SYNRG: variants seen among roughly 807,000 people sequenced by gnomAD.
The protein encoded by SYNRG is synergin gamma, also known as AP1 gamma subunit binding protein 1.
In SYNRG, 37 loss-of-function variants were observed where a neutral mutation model predicts 130.9. The observed-to-expected ratio is 0.28, with a 90% CI of 0.22 to 0.37. The LOEUF is 0.37. SYNRG is among the 10% of genes least tolerant of loss of function. SYNRG has a pLI of 1.00. For synonymous variants in SYNRG, 539 were observed against 568.1 expected (o/e 0.95, Z 0.73); for missense variants, 1,338 against 1,588.9 (o/e 0.84, Z 2.68).
At chr17:37,559,797 TAAATC>T (rs1177431747) in intron 13 of SYNRG, among the ~76,000 whole-genome samples, 1 of 152,224 alleles carries the variant, frequency 6.6e-6, no homozygotes, top group Non-Finnish European at 1.5e-5. Flanking sequence ...AGCAGTGTAA[TAAATC>T]AGAGTAACCA....
chr17:37,547,763 G>A (rs892524034), intron 14 of SYNRG, among the ~76,000 whole-genome samples: 1 of 151,896 alleles, frequency 6.6e-6, no homozygotes, highest in Non-Finnish European at 1.5e-5. Context: ...GTGCCTGGCC[G>A]TCATTTGCTA....
Position 37,553,224 on chromosome 17 carries a change from A to G in SYNRG, c.2499T>C (p.Ser833=). 6.2e-7 allele frequency: 1 copy of G among 1,614,122 alleles called. No homozygotes were observed. Among genetic ancestry groups the G allele is most frequent in the Non-Finnish European group, 8.5e-7 (1 of 1,180,006 alleles). Residue 833 remains serine (S), a synonymous_variant, in exon 14 of 22, where the codon TCT becomes TCC. Transcript: ENST00000612223. ...CAGCCAATTTCATGTCAAACTGAAC[A>G]GAGAGTGCATCTTCAGAGTCCTCCT... The part of the protein sequence containing the change: ...VGKEDSEDAL[S]VQFDMKLADV...
intron 8 of SYNRG, among the ~76,000 whole-genome samples, chr17:37,574,239 A>G (rs942480560): frequency 6.6e-6 from 1 of 152,216 alleles, no homozygotes; most frequent in African/African-American, 2.4e-5. Context: ...ATCCCACACC[A>G]AATAAAAAAA....
intron 11 of SYNRG, chr17:37,568,084 A>T (rs1598401274): frequency 6.6e-6 from 1 of 152,284 alleles, no homozygotes; most frequent in East Asian, 1.9e-4. Flanking sequence ...ATGGTGGTGG[A>T]CACCTGTAAT....
At chr17:37,602,655 G>A (rs1408356585) in intron 1 of SYNRG, among the ~76,000 whole-genome samples, 1 of 152,180 alleles carries the variant, frequency 6.6e-6, no homozygotes, top group Non-Finnish European at 1.5e-5. Flanking sequence ...AGACCCTAGG[G>A]AGAAAAAATT....
intron 5 of SYNRG, 101 bp downstream of exon 5, chr17:37,585,224 A>C: frequency 1.1e-6 from 1 of 884,504 alleles, no homozygotes; most frequent in East Asian, 2.5e-5. Flanking sequence ...TCACAGCCTC[A>C]GCTTGGGCTG....
At chr17:37,560,504 C>T (rs888434323) in intron 13 of SYNRG, among the ~76,000 whole-genome samples, 9 of 151,402 alleles carry the variant, frequency 5.9e-5, no homozygotes, top group Admixed American at 2.6e-4. Flanking sequence ...GCCTGGCTAA[C>T]TTTTTTGTAT....
At chr17:37,543,190 T>C (rs143284938) in intron 14 of SYNRG, among the ~76,000 whole-genome samples, 2 of 152,272 alleles carry the variant, frequency 1.3e-5, no homozygotes, top group African/African-American at 4.8e-5. Context: ...TTGGACGTCA[T>C]ATTGCTGTGA....
intron 2 of SYNRG, among the ~76,000 whole-genome samples, chr17:37,599,988 C>A (rs966363876): frequency 6.6e-6 from 1 of 152,094 alleles, no homozygotes; most frequent in Non-Finnish European, 1.5e-5. Context: ...ACAGACATGG[C>A]ACTAACAATC....
In SYNRG at chr17:37,542,476, C is replaced by A; in HGVS notation, c.2698G>T (p.Asp900Tyr). The change falls in exon 15 of 22, where the codon GAT becomes TAT. Residue 900 changes from aspartate to tyrosine, a missense_variant. This residue lies in a region of SYNRG where 1,146 missense variants were observed against 1,342.3 expected (regional missense o/e 0.85). Coordinates refer to ENST00000612223, the MANE Select transcript of SYNRG (RefSeq NM_007247.6). ...AGTTTTCTGCCCTGAGTTGCATCATCCCTGTCTGACCAGTCATAGCTTGTA... is the reference window on the plus strand; with the variant it reads ...AGTTTTCTGCCCTGAGTTGCATCATACCTGTCTGACCAGTCATAGCTTGTA... Reference protein sequence around the residue: ...TLTSYDWSDRDDATQGRKLSP... With the variant: ...TLTSYDWSDRYDATQGRKLSP... 1 of 1,613,986 alleles carries A rather than the reference C, an allele frequency of 6.2e-7. No homozygotes were observed.
rs895932816 is a variant in SYNRG, at chr17:37,571,956, C to T, written c.933G>A (p.Met311Ile). 3 of 1,612,410 alleles carry T rather than the reference C, an allele frequency of 1.9e-6. No homozygotes were observed. Among genetic ancestry groups the T allele is most frequent in the African/African-American group, 1.3e-5 (1 of 74,940 alleles). ...DAYKKILETT[M>I]TPTGIDTAKL... ...TGGCAGTATCTATTCCAGTTGGAGT[C>T]ATTGTGGTTTCTAAGATTTTCTTAT... is the stretch of plus-strand genomic sequence containing the variant. The change falls in exon 9 of 22, where the codon ATG becomes ATA. Residue 311 changes from methionine (M) to isoleucine (I), a missense_variant. Physicochemically the swap from Met to Ile is conservative, Grantham distance 10. Around this residue, in one of 3 missense-constraint regions of SYNRG, gnomAD observed 1,146 missense variants for 1,342.3 expected, o/e 0.85. Transcript: ENST00000612223.
At chr17:37,582,814 T>C (rs142573708) in intron 6 of SYNRG, among the ~76,000 whole-genome samples, 235 of 152,102 alleles carry the variant, frequency 1.5e-3, no homozygotes, top group African/African-American at 5.5e-3. Flanking sequence ...TGAACTGTGA[T>C]CATGTCACCG....
At chr17:37,541,234 T>C in intron 15 of SYNRG, 2 of 985,370 alleles carry the variant, frequency 2.0e-6, no homozygotes, top group South Asian at 9.4e-5. Flanking sequence ...AGTCTCTCAA[T>C]CCAGTTGAAA....
intron 5 of SYNRG, 34 bp downstream of exon 5, chr17:37,585,291 A>G: frequency 6.5e-7 from 1 of 1,540,808 alleles, no homozygotes; most frequent in Non-Finnish European, 8.9e-7. Context: ...CAGGGTGTGT[A>G]TGTTCTGGGT....
chr17:37,529,734 T>C (rs1390946510), intron 19 of SYNRG: 2 of 1,528,536 alleles, frequency 1.3e-6, no homozygotes, highest in Non-Finnish European at 1.8e-6. Flanking sequence ...CCACTTATCC[T>C]TTCCCCCAAA....
chr17:37,572,700 G>C (rs2146053721), intron 8 of SYNRG, among the ~76,000 whole-genome samples: 1 of 152,310 alleles, frequency 6.6e-6, no homozygotes. Context: ...GGCTGTGAGA[G>C]AAAACACCAT....
rs2060468263 is a variant in SYNRG, at chr17:37,571,981, T to C, written c.908A>G (p.Tyr303Cys). The C allele has an allele frequency of 3.1e-6, 5 of 1,609,798 alleles. No individual in the cohort carries two copies. Among genetic ancestry groups the C allele is most frequent in the East Asian group, 2.2e-5 (1 of 44,880 alleles). ...CATTGTGGTTTCTAAGATTTTCTTA[T>C]AGGCATCTATTAAAGGAAAGACCAG... ...IYNESLVPDA[Y>C]KKILETTMTP... Residue 303 changes from tyrosine (Y) to cysteine (C), a missense_variant, in exon 9 of 22, where the codon TAT (tyrosine) becomes TGT (cysteine). This residue lies in a region of SYNRG where 1,146 missense variants were observed against 1,342.3 expected (regional missense o/e 0.85). Coordinates refer to ENST00000612223, the MANE Select transcript of SYNRG (RefSeq NM_007247.6).
intron 7 of SYNRG, among the ~76,000 whole-genome samples, chr17:37,576,855 T>C (rs1173023828): frequency 6.6e-6 from 1 of 152,228 alleles, no homozygotes; most frequent in East Asian, 1.9e-4. Context: ...GTCTTAAATA[T>C]ATAGGACTTT....
chr17:37,520,884 C>T (rs951511413), intron 19 of SYNRG, among the ~76,000 whole-genome samples: 2 of 152,028 alleles, frequency 1.3e-5, no homozygotes, highest in Admixed American at 6.5e-5. Flanking sequence ...CTCAGGTGGG[C>T]GCCAGGGGAG....
Sources: allele counts gnomAD v4.1 joint callset (sites outside exome capture counted in the v4.1 genomes callset), GRCh38; gene constraint gnomAD v4.1.1; regional missense constraint gnomAD v4.1.1; transcripts MANE v1.5; gene names NCBI Gene and HGNC (gene_info 2026-07-23, HGNC 2026-07-21).